Variants in ADAM12 observed in about 807,000 individuals in gnomAD.
ADAM12 encodes ADAM metallopeptidase domain 12, also known as disintegrin and metalloproteinase domain-containing protein 12.
In ADAM12, 70 loss-of-function variants were observed where a neutral mutation model predicts 106.4. The observed-to-expected ratio is 0.66, with a 90% CI of 0.54 to 0.80. The LOEUF is 0.80. Ranked by LOEUF, ADAM12 falls within the 30% of genes least tolerant of loss-of-function variation. The pLI is 0.00. For missense variants in ADAM12, 1,010 were observed against 1,171.9 expected (o/e 0.86, Z 2.02); for synonymous variants, 420 against 433.5 (o/e 0.97, Z 0.39).
intron 21 of ADAM12, among the ~76,000 whole-genome samples, chr10:126,025,772 CAA>C (rs1482048041): frequency 6.6e-6 from 1 of 152,172 alleles, no homozygotes; most frequent in Admixed American, 6.5e-5. Context: ...CCCTACCTGG[CAA>C]GACAGGCCAA....
At chr10:126,263,498 A>G (rs1590702577) in intron 3 of ADAM12, among the ~76,000 whole-genome samples, 1 of 152,144 alleles carries the variant, frequency 6.6e-6, no homozygotes, top group Non-Finnish European at 1.5e-5. Flanking sequence ...TAAGTAAAGC[A>G]GTAACAGGCA....
chr10:126,159,307 CAAAAA>C (rs3069557), intron 3 of ADAM12, among the ~76,000 whole-genome samples: 2 of 80,598 alleles, frequency 2.5e-5, no homozygotes, highest in East Asian at 3.5e-4. Flanking sequence ...GAGACTCCAT[CAAAAA>C]AAAAAAAAAA....
intron 4 of ADAM12, among the ~76,000 whole-genome samples, chr10:126,142,570 T>C (rs866619140): frequency 2.0e-5 from 3 of 152,342 alleles, no homozygotes; most frequent in Middle Eastern, 6.8e-3. Context: ...GTGGGTGTCA[T>C]GGCCATCACG....
rs1174916368 is a variant in ADAM12, at chr10:126,094,044, C to T, written c.1086G>A (p.Arg362=). ...NFGMNHDTLD[R]GCSCQMAVEK... Reference sequence around the variant, plus strand: ...CAACCGCCATTTGACAGCTACAGCCCCTGTCCAGTGTGTCATGATTCATCC... The same window carrying T: ...CAACCGCCATTTGACAGCTACAGCCTCTGTCCAGTGTGTCATGATTCATCC... Residue 362 remains arginine (R), a synonymous_variant, in exon 11 of 23, where the codon AGG becomes AGA. Transcript: ENST00000448723. 1.9e-6 allele frequency: 3 copies of T among 1,613,994 alleles called. No individual in the cohort carries two copies. The highest frequency in any genetic ancestry group is 2.5e-6 in the Non-Finnish European group (3 of 1,180,038).
chr10:126,201,854 G>T (rs1402948649), intron 3 of ADAM12, among the ~76,000 whole-genome samples: 1 of 152,210 alleles, frequency 6.6e-6, no homozygotes, highest in Non-Finnish European at 1.5e-5. Flanking sequence ...AAACAGAGAG[G>T]TGTTGGCTCT....
intron 6 of ADAM12, among the ~76,000 whole-genome samples, chr10:126,116,643 G>C (rs550286521): frequency 6.6e-6 from 1 of 152,016 alleles, no homozygotes; most frequent in Admixed American, 6.6e-5. Flanking sequence ...GATGGGGCAG[G>C]AAACGAAAAA....
At chr10:126,249,314 G>A (rs1259426991) in intron 3 of ADAM12, among the ~76,000 whole-genome samples, 1 of 152,128 alleles carries the variant, frequency 6.6e-6, no homozygotes, top group East Asian at 1.9e-4. Flanking sequence ...CCACAAAGAG[G>A]GCAGTCTAGG....
At chr10:126,079,520 T>C (rs371340387) in intron 11 of ADAM12, among the ~76,000 whole-genome samples, 2 of 152,244 alleles carry the variant, frequency 1.3e-5, no homozygotes, top group East Asian at 3.8e-4. Flanking sequence ...TTCCTTCTTA[T>C]GGCTGGATGA....
intron 3 of ADAM12, among the ~76,000 whole-genome samples, chr10:126,254,641 C>T (rs529752524): frequency 1.3e-5 from 2 of 152,150 alleles, no homozygotes; most frequent in African/African-American, 2.4e-5. Flanking sequence ...GTTCTTCCTT[C>T]CTTCCTTCCC....
Position 126,118,150 on chromosome 10 carries a change from AAG to A in ADAM12, c.489_490del (p.Phe164ProfsTer39). The A allele has an allele frequency of 3.7e-6, 6 of 1,614,026 alleles. No homozygotes were observed. Among genetic ancestry groups the A allele is most frequent in the Non-Finnish European group, 5.1e-6 (6 of 1,179,912 alleles). On this transcript the variant is annotated frameshift_variant, in exon 6 of 23. Transcript: ENST00000448723. LOFTEE classifies it high-confidence loss of function. ...GACGCTTTTCAGCTTCTTCGCTGGG[AAG>A]AGTTTGTATCTGTTGGTTGCACTTT...
rs2133701158 is a variant in ADAM12 at position 126,257,759 on chromosome 10, A to T, written c.260+21156T>A. Among the ~76,000 whole-genome samples the T allele has an allele frequency of 1.3e-5, 2 of 152,368 alleles. 1 individual carries two copies. The highest frequency in any genetic ancestry group is 4.8e-5 in the African/African-American group (2 of 41,584). ...AGAGGTAAGAACAAAGATAAAGATAAGAATATATAAAAGCAGAGGTTAGAA... is the reference window on the plus strand; with the variant it reads ...AGAGGTAAGAACAAAGATAAAGATATGAATATATAAAAGCAGAGGTTAGAA... On this transcript the variant is annotated intron_variant, in intron 3 of 22. Coordinates refer to ENST00000448723, the MANE Select transcript of ADAM12 (RefSeq NM_001288973.2).
At chr10:126,330,588 C>A (rs1230719090) in intron 1 of ADAM12, 79 bp from the exon 2 acceptor site, 3 of 1,247,208 alleles carry the variant, frequency 2.4e-6, no homozygotes, top group Non-Finnish European at 3.4e-6. Flanking sequence ...ACATAAATGA[C>A]ACAGTGAAAA....
chr10:126,083,744 T>G lies in ADAM12; in HGVS notation c.1145+10241A>C, dbSNP rs553711508. 2.8e-3 allele frequency among the ~76,000 whole-genome samples: 423 copies of G among 152,314 alleles called. 3 individuals carry two copies. The highest frequency in any genetic ancestry group is 9.8e-3 in the African/African-American group (406 of 41,584). ...AAATAGGCGCCCCGCCTCAAAAGCCTCGTGACTCCTCCTCATGGTGTGATG... is the reference window on the plus strand; with the variant it reads ...AAATAGGCGCCCCGCCTCAAAAGCCGCGTGACTCCTCCTCATGGTGTGATG... On this transcript the variant is annotated intron_variant, in intron 11 of 22. Transcript: ENST00000448723.
chr10:126,020,165 A>G (rs1211379630), intron 21 of ADAM12, among the ~76,000 whole-genome samples: 2 of 152,154 alleles, frequency 1.3e-5, no homozygotes, highest in Non-Finnish European at 2.9e-5. Context: ...TCACCCTAAA[A>G]TAAGAAGTTG....
At chr10:126,267,560 C>T (rs1271257267) in intron 3 of ADAM12, among the ~76,000 whole-genome samples, 3 of 152,082 alleles carry the variant, frequency 2.0e-5, no homozygotes, top group Admixed American at 1.3e-4. Flanking sequence ...ATGCACAGTT[C>T]ACAAGAGGGT....
At chr10:126,267,273 C>T (rs763739777) in intron 3 of ADAM12, among the ~76,000 whole-genome samples, 5 of 152,150 alleles carry the variant, frequency 3.3e-5, no homozygotes, top group South Asian at 2.1e-4. Context: ...CACCTGAGAC[C>T]GGTTTCATGG....
At chr10:126,297,840 G>A (rs912904628) in intron 2 of ADAM12, among the ~76,000 whole-genome samples, 3 of 152,136 alleles carry the variant, frequency 2.0e-5, no homozygotes, top group African/African-American at 7.2e-5. Flanking sequence ...TCCCACTCAA[G>A]GAATCTGCAG....
chr10:126,166,744 G>A (rs909750708), intron 3 of ADAM12, among the ~76,000 whole-genome samples: 8 of 152,040 alleles, frequency 5.3e-5, no homozygotes, highest in Non-Finnish European at 1.0e-4. Flanking sequence ...TGATCCGCCC[G>A]CCTCGACCTC....
chr10:126,206,898 C>A (rs1370773848), intron 3 of ADAM12, among the ~76,000 whole-genome samples: 1 of 129,766 alleles, frequency 7.7e-6, no homozygotes, highest in Non-Finnish European at 1.7e-5. Flanking sequence ...ATCATGGGGG[C>A]AGATCTTTCC....
Sources: gnomAD v4.1 joint callset for allele counts (sites outside exome capture counted in the v4.1 genomes callset) on GRCh38, gnomAD v4.1.1 for gene constraint, MANE v1.5 for transcripts, NCBI Gene and HGNC (gene_info 2026-07-23, HGNC 2026-07-21) for gene names.